The following ARHGAP25 variants were observed in gnomAD, a reference collection of about 807,000 sequenced individuals.
The protein encoded by ARHGAP25 is Rho GTPase activating protein 25.
In ARHGAP25, 34 loss-of-function variants were observed where a neutral mutation model predicts 71.0. That is an observed-to-expected ratio of 0.48 (90% CI 0.36 to 0.64). The LOEUF (loss-of-function observed/expected upper bound fraction) is 0.64. Ranked by LOEUF, ARHGAP25 falls within the 30% of genes least tolerant of loss-of-function variation. The pLI is 0.00. For missense variants in ARHGAP25, 706 were observed against 805.1 expected, an observed-to-expected ratio of 0.88 and a Z score of 1.49; for synonymous variants, 282 against 296.5, an observed-to-expected ratio of 0.95 and a Z score of 0.50.
rs190316509 is a variant in ARHGAP25 at position 68,746,962 on chromosome 2, T to A, written c.61+11702T>A. Among the ~76,000 whole-genome samples, 276 of 146,330 alleles carry A rather than the reference T, an allele frequency of 1.9e-3. 1 individual carries two copies. The highest frequency in any genetic ancestry group is 2.9e-3 in the Admixed American group (41 of 14,292). ...GGCAGAGGTTGTGGTGAGCCGAGAT[T>A]GGGCCACTGTACTCCAGCCCAGGCA... On this transcript the variant is annotated intron_variant, in intron 1 of 10. Coordinates refer to ENST00000409202, the MANE Select transcript of ARHGAP25 (RefSeq NM_001007231.3).
chr2:68,801,173 A>G (rs1679936080), intron 4 of ARHGAP25, among the ~76,000 whole-genome samples: 2 of 152,166 alleles, frequency 1.3e-5, no homozygotes, highest in African/African-American at 4.8e-5. Context: ...TGATGTCTCC[A>G]GAGCATCCAG....
intron 1 of ARHGAP25, among the ~76,000 whole-genome samples, chr2:68,739,899 C>A (rs10187273): frequency 0.033 from 4,939 of 151,904 alleles, 287 homozygotes; most frequent in African/African-American, 0.11. Flanking sequence ...AACCAAAAGT[C>A]ACTTTGCAAA....
At chr2:68,760,192 GTAA>G (rs1167401591) in intron 1 of ARHGAP25, among the ~76,000 whole-genome samples, 1 of 151,936 alleles carries the variant, frequency 6.6e-6, no homozygotes, top group East Asian at 1.9e-4. Flanking sequence ...CTACCTCAAT[GTAA>G]TAAAAGTCAT....
intron 2 of ARHGAP25, 65 bp from the exon 3 acceptor site, chr2:68,782,168 C>A: frequency 7.1e-7 from 1 of 1,416,894 alleles, no homozygotes; most frequent in African/African-American, 1.4e-5. Context: ...TATCTGTTGT[C>A]CAACCCAATT....
At chr2:68,807,967 C>A (rs182507453) in intron 5 of ARHGAP25, among the ~76,000 whole-genome samples, 1 of 152,204 alleles carries the variant, frequency 6.6e-6, no homozygotes, top group South Asian at 2.1e-4. Flanking sequence ...CACAGTACTA[C>A]GTGATTCTGA....
chr2:68,820,291 C>A (rs1681549381), intron 9 of ARHGAP25, among the ~76,000 whole-genome samples: 1 of 152,232 alleles, frequency 6.6e-6, no homozygotes. Context: ...GAAATTTACA[C>A]TGATCACCTC....
intron 5 of ARHGAP25, among the ~76,000 whole-genome samples, chr2:68,810,889 C>T (rs1265679806): frequency 2.6e-5 from 4 of 151,900 alleles, no homozygotes; most frequent in Admixed American, 2.6e-4. Context: ...TTAAAGGCAC[C>T]TGCCACCACG....
chr2:68,785,715 A>G (rs1414416848), intron 3 of ARHGAP25, among the ~76,000 whole-genome samples: 1 of 152,128 alleles, frequency 6.6e-6, no homozygotes, highest in African/African-American at 2.4e-5. Flanking sequence ...AGTAGGGGGA[A>G]GAAAGGTCCC....
At chr2:68,726,931 G>GT (rs1674897886) in intron 2 of ARHGAP25, among the ~76,000 whole-genome samples, 3 of 150,264 alleles carry the variant, frequency 2.0e-5, no homozygotes, top group Admixed American at 6.6e-5. Context: ...TTTCCTTTCT[G>GT]TTTTTTTTCC....
At chr2:68,717,213 G>T (rs2104251313) in intron 2 of ARHGAP25, among the ~76,000 whole-genome samples, 1 of 152,274 alleles carries the variant, frequency 6.6e-6, no homozygotes, top group Admixed American at 6.5e-5. Context: ...TCTAAACATA[G>T]AAAAGGTACA....
upstream of ARHGAP25, among the ~76,000 whole-genome samples, chr2:68,730,572 C>G (rs1014781783): frequency 6.6e-6 from 1 of 151,794 alleles, no homozygotes; most frequent in Non-Finnish European, 1.5e-5. Context: ...ATTGCTTAAG[C>G]CCAGGAGGTT....
chr2:68,727,569 A>G (rs544550556), intron 2 of ARHGAP25, among the ~76,000 whole-genome samples: 3 of 152,252 alleles, frequency 2.0e-5, no homozygotes, highest in African/African-American at 7.2e-5. Context: ...GCTTTGTGCC[A>G]TGGCCAGGGA....
intron 1 of ARHGAP25, among the ~76,000 whole-genome samples, chr2:68,739,638 G>A (rs145246328): frequency 1.1e-4 from 16 of 152,322 alleles, no homozygotes; most frequent in African/African-American, 3.8e-4. Context: ...ATGGGAGGGA[G>A]TGAAGAGCAG....
chr2:68,813,466 G>A (rs1294326671), intron 6 of ARHGAP25, 47 bp downstream of exon 6: 14 of 1,588,448 alleles, frequency 8.8e-6, no homozygotes, highest in South Asian at 1.1e-5. Context: ...AAAGTGATTG[G>A]TTTTCTGGAC....
chr2:68,761,351 T>A (rs1318735990), intron 1 of ARHGAP25, among the ~76,000 whole-genome samples: 8 of 151,892 alleles, frequency 5.3e-5, no homozygotes, highest in Admixed American at 2.0e-4. Context: ...GGCTTCAACA[T>A]CAAAGGCACA....
intron 4 of ARHGAP25, among the ~76,000 whole-genome samples, chr2:68,792,882 A>T (rs530480957): frequency 6.6e-6 from 1 of 152,322 alleles, no homozygotes; most frequent in Non-Finnish European, 1.5e-5. Context: ...GCTAATTTGC[A>T]TTCCCACCAA....
chr2:68,788,734 A>G (rs1264800429), intron 4 of ARHGAP25, among the ~76,000 whole-genome samples: 1 of 152,220 alleles, frequency 6.6e-6, no homozygotes, highest in African/African-American at 2.4e-5. Context: ...TCAACTTTTT[A>G]GGAGCACGCC....
chr2:68,798,040 C>T (rs1644813567), intron 4 of ARHGAP25, among the ~76,000 whole-genome samples: 1 of 152,196 alleles, frequency 6.6e-6, no homozygotes, highest in South Asian at 2.1e-4. Flanking sequence ...GTTGTCTGCA[C>T]ACTTGCTTGG....
chr2:68,817,057 A>ATG (rs1201938929), intron 7 of ARHGAP25: 3 of 152,214 alleles, frequency 2.0e-5, no homozygotes, highest in Non-Finnish European at 2.9e-5. Flanking sequence ...CTTAATGTAA[A>ATG]TATAGGGGAA....
Sources: gnomAD v4.1 joint callset for allele counts (sites outside exome capture counted in the v4.1 genomes callset) on GRCh38, gnomAD v4.1.1 for gene constraint, MANE v1.5 for transcripts, NCBI Gene and HGNC (gene_info 2026-07-23, HGNC 2026-07-21) for gene names.